GGPS1: variants seen among roughly 807,000 people sequenced by gnomAD.
GGPS1 encodes geranylgeranyl pyrophosphate synthase.
In GGPS1, 15 loss-of-function variants were observed where a neutral mutation model predicts 28.1. That is an observed-to-expected ratio of 0.53 (90% CI 0.36 to 0.82). The LOEUF (loss-of-function observed/expected upper bound fraction) is 0.82, where lower values mean the gene tolerates loss of function less well. GGPS1 is among the 40% of genes least tolerant of loss of function. The pLI is 0.01. For synonymous variants in GGPS1, 138 were observed against 122.4 expected, an observed-to-expected ratio of 1.13 and a Z score of -0.84; for missense variants, 284 against 348.3, an observed-to-expected ratio of 0.82 and a Z score of 1.47.
Position 235,339,688 on chromosome 1 carries a change from G to A in GGPS1, c.71-2020G>A, listed in dbSNP as rs148347965. 6.5e-3 allele frequency among the ~76,000 whole-genome samples: 956 copies of A among 147,198 alleles called. 13 individuals carry two copies. The highest frequency in any genetic ancestry group is 0.023 in the African/African-American group (910 of 39,974). The stretch of plus-strand genomic sequence containing the variant: ...GGCAGGAGAATCGCTTGAACCCAGG[G>A]GGCGGAGGTTGCAGTGAGCCGAGAT... On this transcript the variant is annotated intron_variant, in intron 2 of 3. Coordinates refer to ENST00000282841, the MANE Select transcript of GGPS1 (RefSeq NM_004837.4).
At chr1:235,336,716 A>G (rs549315773) in intron 2 of GGPS1, 1 of 152,352 alleles carries the variant, frequency 6.6e-6, no homozygotes, top group East Asian at 1.9e-4. Flanking sequence ...TACTGTGACT[A>G]AACTCTAATG....
At chr1:235,338,820 T>A (rs1055488278) in intron 2 of GGPS1, among the ~76,000 whole-genome samples, 1 of 151,948 alleles carries the variant, frequency 6.6e-6, no homozygotes, top group African/African-American at 2.4e-5. Flanking sequence ...AGGCCGTGAT[T>A]GTGCCACTGC....
Position 235,342,792 on chromosome 1 carries a change from G to T in GGPS1, c.*20G>T. 3 of 1,481,572 alleles carry T rather than the reference G, an allele frequency of 2.0e-6. No individual in the cohort carries two copies. The highest frequency in any genetic ancestry group is 2.2e-5 in the Admixed American group (1 of 45,648). The allele number at this position is 1,481,572 out of a possible 1,614,324, so 91.8% of individuals were successfully genotyped here. A position where few individuals can be genotyped will look rare whatever the true frequency, so the allele number is the denominator to read the frequency against. On this transcript the variant is annotated 3_prime_UTR_variant, in exon 4 of 4. Transcript: ENST00000282841. ...GAATAATGTTAAGCCATTCTTGATT[G>T]GACCTCATAGCTTATTTTAGTTAAT...
At chr1:235,333,590 T>G (rs1572268425) in intron 1 of GGPS1, among the ~76,000 whole-genome samples, 1 of 150,228 alleles carries the variant, frequency 6.7e-6, no homozygotes, top group African/African-American at 2.5e-5. Context: ...CAAAAGGACC[T>G]TTGAGCAATC....
At chr1:235,340,077 G>A (rs1229598290) in intron 2 of GGPS1, among the ~76,000 whole-genome samples, 1 of 152,100 alleles carries the variant, frequency 6.6e-6, no homozygotes, top group East Asian at 1.9e-4. Context: ...GGTTGCAAGT[G>A]AGCCGAGATC....
At chr1:235,328,214 CTTTCTCCCCTCCCCTAGATTTTTT>C (rs1558321421), upstream of GGPS1, 2 of 147,676 alleles carry the variant, frequency 1.4e-5, no homozygotes, top group Non-Finnish European at 3.0e-5. Context: ...GGTTCCCCCC[CTTTCTCCCCTCCCCTAGATTTTTT>C]TTCCCCCCCT....
At chr1:235,341,329 ATAAT>A (rs769043867) in intron 2 of GGPS1, among the ~76,000 whole-genome samples, 69 of 152,198 alleles carry the variant, frequency 4.5e-4, no homozygotes, top group Non-Finnish European at 8.4e-4. Flanking sequence ...TCTGTCTCAA[ATAAT>A]TAATAAATAA....
chr1:235,335,454 G>A (rs549744420), intron 2 of GGPS1, 120 bp downstream of exon 2: 32 of 540,482 alleles, frequency 5.9e-5, no homozygotes, highest in Middle Eastern at 2.9e-4. Flanking sequence ...AAGGTGATGC[G>A]TATGAGAAAA....
upstream of GGPS1, chr1:235,328,213 C>A (rs115367910): frequency 1.4e-5 from 2 of 147,382 alleles, no homozygotes; most frequent in Non-Finnish European, 3.0e-5. Context: ...AGGTTCCCCC[C>A]CTTTCTCCCC....
intron 1 of GGPS1, among the ~76,000 whole-genome samples, chr1:235,334,777 G>A (rs938038150): frequency 2.6e-5 from 4 of 151,970 alleles, no homozygotes; most frequent in African/African-American, 4.8e-5. Flanking sequence ...TCACTCTTTC[G>A]CCCAGGCTGG....
chr1:235,338,819 T>G (rs2103346867), intron 2 of GGPS1, among the ~76,000 whole-genome samples: 1 of 152,216 alleles, frequency 6.6e-6, no homozygotes, highest in South Asian at 2.1e-4. Flanking sequence ...TAGGCCGTGA[T>G]TGTGCCACTG....
At chr1:235,340,879 TGAAAG>T (rs921667838) in intron 2 of GGPS1, among the ~76,000 whole-genome samples, 2 of 151,866 alleles carry the variant, frequency 1.3e-5, no homozygotes, top group African/African-American at 4.9e-5. Flanking sequence ...ATCTCATTTT[TGAAAG>T]GAAAGAAGCA....
In GGPS1 at chr1:235,344,151, C is replaced by CAAAAAAAAAAAAAAAAA. The variant is rs77179024; in HGVS notation, c.*1382_*1398dup. 1 of 78,012 alleles carries CAAAAAAAAAAAAAAAAA rather than the reference C, an allele frequency of 1.3e-5. No individual in the cohort carries two copies. The highest frequency in any genetic ancestry group is 4.2e-5 in the African/African-American group (1 of 23,650). The allele number at this position is 78,012 out of a possible 1,614,324, so 4.8% of individuals were successfully genotyped here. Reference sequence around the variant, plus strand: ...GTCATCTGTGGCCCAAGAGGTAGGACAAAAAAAAAAAAAAAAAAAGCTGAT... The same window carrying CAAAAAAAAAAAAAAAAA: ...GTCATCTGTGGCCCAAGAGGTAGGACAAAAAAAAAAAAAAAAAAAAAAAAAAAAAAAAAAAAGCTGAT... On this transcript the variant is annotated 3_prime_UTR_variant, in exon 4 of 4. Coordinates refer to ENST00000282841, the MANE Select transcript of GGPS1 (RefSeq NM_004837.4).
At chr1:235,332,451 T>C (rs540474200) in intron 1 of GGPS1, among the ~76,000 whole-genome samples, 129 of 152,364 alleles carry the variant, frequency 8.5e-4, no homozygotes, top group African/African-American at 3.0e-3. Flanking sequence ...CCACATTTTC[T>C]TTATTCAGTC....
At chr1:235,332,071 GTTTA>G (rs988813936) in intron 1 of GGPS1, among the ~76,000 whole-genome samples, 4 of 152,106 alleles carry the variant, frequency 2.6e-5, no homozygotes, top group African/African-American at 9.7e-5. Flanking sequence ...TTTTTTATTT[GTTTA>G]TTCTTACTTG....
intron 2 of GGPS1, among the ~76,000 whole-genome samples, chr1:235,340,451 AAAGC>A (rs931623510): frequency 1.1e-4 from 17 of 151,224 alleles, no homozygotes; most frequent in African/African-American, 3.4e-4. Flanking sequence ...CTCAAAAAAA[AAAGC>A]AAGAAGCGCA....
At chr1:235,334,073 A>G (rs1214422606) in intron 1 of GGPS1, among the ~76,000 whole-genome samples, 2 of 152,206 alleles carry the variant, frequency 1.3e-5, no homozygotes, top group Non-Finnish European at 2.9e-5. Context: ...AGATTTCAGT[A>G]TAAAGGGGAA....
intron 1 of GGPS1, among the ~76,000 whole-genome samples, chr1:235,333,562 C>T (rs1449718686): frequency 2.1e-5 from 3 of 141,936 alleles, no homozygotes; most frequent in Admixed American, 6.9e-5. Context: ...AGCAAAACTC[C>T]GTCTCAAAAA....
intron 2 of GGPS1, among the ~76,000 whole-genome samples, chr1:235,340,433 G>A (rs1040118963): frequency 2.0e-5 from 3 of 151,530 alleles, no homozygotes; most frequent in South Asian, 4.2e-4. Flanking sequence ...GACAGAGTGA[G>A]ACCCTGTCTC....
Sources: allele counts gnomAD v4.1 joint callset (sites outside exome capture counted in the v4.1 genomes callset), GRCh38; gene constraint gnomAD v4.1.1; transcripts MANE v1.5; gene names NCBI Gene and HGNC (gene_info 2026-07-23, HGNC 2026-07-21).